LRIG1: variants seen among roughly 807,000 people sequenced by gnomAD.
LRIG1 encodes leucine-rich repeats and immunoglobulin-like domains protein 1.
In LRIG1, 48 loss-of-function variants were observed where a neutral mutation model predicts 99.2. The ratio of observed to expected loss-of-function variants is 0.48; its 90% CI spans 0.38 to 0.62. The LOEUF (loss-of-function observed/expected upper bound fraction) is 0.62. Among genes scored for constraint, LRIG1 ranks in the 20% least tolerant of loss-of-function variants. LRIG1 has a pLI of 0.00. For missense variants in LRIG1, 1,646 were observed against 1,434.4 expected (o/e 1.15, Z -2.38); for synonymous variants, 772 against 596.1 (o/e 1.29, Z -4.30).
intron 3 of LRIG1, among the ~76,000 whole-genome samples, chr3:66,423,466 G>A (rs1702883318): frequency 6.6e-6 from 1 of 152,182 alleles, no homozygotes; most frequent in Admixed American, 6.5e-5. Context: ...AGCTACTCGG[G>A]AGGCTGAGGC....
chr3:66,399,470 G>C (rs140240367), intron 9 of LRIG1, among the ~76,000 whole-genome samples: 3 of 152,086 alleles, frequency 2.0e-5, no homozygotes, highest in African/African-American at 7.2e-5. Context: ...AAAAATCTTC[G>C]GAATTAAAAC....
chr3:66,459,461 C>T (rs898766804), intron 2 of LRIG1, among the ~76,000 whole-genome samples: 7 of 152,248 alleles, frequency 4.6e-5, no homozygotes, highest in African/African-American at 1.4e-4. Flanking sequence ...GGTCCTCAGC[C>T]TGTTCCCTTC....
chr3:66,454,980 G>T (rs552340565), intron 2 of LRIG1, among the ~76,000 whole-genome samples: 1 of 152,140 alleles, frequency 6.6e-6, no homozygotes, highest in Non-Finnish European at 1.5e-5. Context: ...CTCGCTCTGT[G>T]GTGGCCCAGG....
intron 3 of LRIG1, among the ~76,000 whole-genome samples, chr3:66,430,967 C>A (rs75704523): frequency 2.6e-5 from 4 of 152,030 alleles, no homozygotes; most frequent in Non-Finnish European, 5.9e-5. Context: ...CTACCCCACA[C>A]CCCAGCACAC....
intron 9 of LRIG1, among the ~76,000 whole-genome samples, chr3:66,400,525 A>G (rs971992973): frequency 1.3e-5 from 2 of 152,172 alleles, no homozygotes; most frequent in Non-Finnish European, 2.9e-5. Flanking sequence ...AGGTCTGTCC[A>G]AGGCAATGGG....
chr3:66,426,062 A>G lies in LRIG1; in HGVS notation c.366-8796T>C, dbSNP rs568580296. Among the ~76,000 whole-genome samples the G allele has an allele frequency of 2.9e-4, 44 of 152,322 alleles. 2 individuals are homozygous for G. In the South Asian group the frequency reaches 8.3e-3, roughly 29 times the overall value. ...TGGTGGAAAAGATCTCATGTCACAG[A>G]TAACAGCCAGGAAGAAAGGGCAAGG... On this transcript the variant is annotated intron_variant, in intron 3 of 18. Coordinates refer to ENST00000273261, the MANE Select transcript of LRIG1 (RefSeq NM_015541.3).
chr3:66,386,210 G>A lies in LRIG1; in HGVS notation c.1560C>T (p.Ser520=), dbSNP rs1316184445. 9.9e-6 allele frequency: 16 copies of A among 1,614,148 alleles called. No individual in the cohort carries two copies. The highest frequency in any genetic ancestry group is 1.4e-5 in the Non-Finnish European group (16 of 1,179,994). ...CAAAGGTCATGGGGGAGCTGCTGCT[G>A]CTGGCTGCTGAGCATGTAAACCGGA... ...KDIRFTCSAA[S]SSSSPMTFAW... is the part of the protein sequence containing the mutation. Residue 520 remains serine, a synonymous_variant, in exon 13 of 19, where the codon AGC becomes AGT. Coordinates refer to ENST00000273261, the MANE Select transcript of LRIG1 (RefSeq NM_015541.3).
rs143105894 is a variant in LRIG1 at position 66,384,139 on chromosome 3, G to A, written c.1923C>T (p.Pro641=). 522 of 1,614,164 alleles carry A rather than the reference G, an allele frequency of 3.2e-4. 3 individuals are homozygous for A. Among genetic ancestry groups the A allele is most frequent in the South Asian group, 3.0e-3 (269 of 91,076 alleles). The part of the protein sequence containing the change: ...AWQKDGGTDF[P]AARERRMHVM... ...CATGCATGCGTCGCTCACGGGCAGC[G>A]GGGAAATCCGTGCCTCCATCCTTCT... The change falls in exon 14 of 19, where the codon CCC becomes CCT. Residue 641 remains proline, a synonymous_variant. Transcript: ENST00000273261.
At chr3:66,442,275 A>G (rs1703565388) in intron 3 of LRIG1, among the ~76,000 whole-genome samples, 1 of 152,238 alleles carries the variant, frequency 6.6e-6, no homozygotes, top group Non-Finnish European at 1.5e-5. Flanking sequence ...CACTTGGGCT[A>G]TAAAAGCTGA....
At position 66,379,788 on chromosome 3, in the gene LRIG1, A is replaced by G. The variant is rs1161877748; in HGVS notation, c.*475T>C. 6.3e-6 allele frequency: 1 copy of G among 159,640 alleles called. No homozygotes were observed. Among genetic ancestry groups the G allele is most frequent in the African/African-American group, 2.4e-5 (1 of 41,468 alleles). The allele number at this position is 159,640 out of a possible 1,614,324, so 9.9% of individuals were successfully genotyped here. On this transcript the variant is annotated 3_prime_UTR_variant, in exon 19 of 19. Coordinates refer to ENST00000273261, the MANE Select transcript of LRIG1 (RefSeq NM_015541.3). Reference sequence around the variant, plus strand: ...CGCACAGCAGCCTAGGGGTCTATGAAGTGCAATATAAATCCAAGGCCTTCC... The same window carrying G: ...CGCACAGCAGCCTAGGGGTCTATGAGGTGCAATATAAATCCAAGGCCTTCC...
chr3:66,401,482 A>G (rs1479326282), intron 9 of LRIG1: 2 of 552,950 alleles, frequency 3.6e-6, no homozygotes, highest in African/African-American at 3.8e-5. Flanking sequence ...TATTAGTCAC[A>G]TTGACCTGTT....
At chr3:66,484,544 G>A (rs1464322093) in intron 1 of LRIG1, among the ~76,000 whole-genome samples, 1 of 152,200 alleles carries the variant, frequency 6.6e-6, no homozygotes, top group African/African-American at 2.4e-5. Flanking sequence ...TCTGCAAGGC[G>A]AAGAGGGAAG....
chr3:66,449,284 C>A (rs1375724636), intron 3 of LRIG1, among the ~76,000 whole-genome samples: 1 of 152,198 alleles, frequency 6.6e-6, no homozygotes, highest in Non-Finnish European at 1.5e-5. Flanking sequence ...GGAACACAGG[C>A]ACCTCAGAGA....
At position 66,381,586 on chromosome 3, in the gene LRIG1, T is replaced by A; in HGVS notation, c.2663A>T (p.His888Leu). The change falls in exon 17 of 19, where the codon CAC becomes CTC. Residue 888 changes from histidine (H) to leucine (L), a missense_variant. Coordinates refer to ENST00000273261, the MANE Select transcript of LRIG1 (RefSeq NM_015541.3). ...CTTTGGCTGCCTGCAGGCAACGCTG[T>A]GAGTGTCGGGCTCTGGAAAGTGGCT... is the stretch of plus-strand genomic sequence containing the variant. ...DASHFPEPDT[H>L]SVACRQPKLC... 6.2e-7 allele frequency: 1 copy of A among 1,614,160 alleles called. No individual in the cohort carries two copies. Among genetic ancestry groups the A allele is most frequent in the Non-Finnish European group, 8.5e-7 (1 of 1,179,972 alleles).
intron 3 of LRIG1, among the ~76,000 whole-genome samples, chr3:66,436,111 T>C (rs538008804): frequency 5.9e-5 from 9 of 152,158 alleles, no homozygotes; most frequent in African/African-American, 2.2e-4. Flanking sequence ...GAGACAAGGG[T>C]GTTGCTGATA....
chr3:66,403,928 GA>G, intron 9 of LRIG1, among the ~76,000 whole-genome samples: 1 of 152,326 alleles, frequency 6.6e-6, no homozygotes, highest in South Asian at 2.1e-4. Flanking sequence ...TTCTTGCTAA[GA>G]AGGCCTCTGC....
At chr3:66,409,255 C>T (rs1326210031) in intron 7 of LRIG1, among the ~76,000 whole-genome samples, 2 of 152,240 alleles carry the variant, frequency 1.3e-5, no homozygotes, top group East Asian at 3.9e-4. Context: ...ACACAGTAGA[C>T]TAAACTGGAG....
intron 9 of LRIG1, 74 bp from the exon 10 acceptor site, chr3:66,399,115 A>G (rs1389519417): frequency 2.4e-6 from 3 of 1,240,824 alleles, no homozygotes; most frequent in Non-Finnish European, 3.5e-6. Context: ...AGAAAGAAAA[A>G]GAAAAAGAAA....
At chr3:66,397,506 A>ACTAG (rs1429709428) in intron 11 of LRIG1, among the ~76,000 whole-genome samples, 3 of 151,610 alleles carry the variant, frequency 2.0e-5, no homozygotes, top group Non-Finnish European at 2.9e-5. Context: ...GAGGACCCAG[A>ACTAG]CTAGCTCCCC....
Sources: gnomAD v4.1 joint callset for allele counts (sites outside exome capture counted in the v4.1 genomes callset) on GRCh38, gnomAD v4.1.1 for gene constraint, MANE v1.5 for transcripts, NCBI Gene and HGNC (gene_info 2026-07-23, HGNC 2026-07-21) for gene names.